Variants in LRRC8D observed in about 807,000 individuals in gnomAD.
LRRC8D encodes volume-regulated anion channel subunit LRRC8D.
Under a neutral mutation model 55.8 loss-of-function variants are expected in LRRC8D, and 20 were observed. That is an observed-to-expected ratio of 0.36 (90% CI 0.25 to 0.52). LRRC8D has a LOEUF of 0.52. LRRC8D is among the 20% of genes least tolerant of loss of function. The pLI is 0.93. For synonymous variants in LRRC8D, 352 were observed against 377.0 expected (o/e 0.93, Z 0.77); for missense variants, 651 against 1,030.8 (o/e 0.63, Z 5.05).
At chr1:89,871,452 T>G (rs1302063381) in intron 2 of LRRC8D, among the ~76,000 whole-genome samples, 1 of 152,186 alleles carries the variant, frequency 6.6e-6, no homozygotes. Flanking sequence ...GATACCCCCT[T>G]CCCTCTCCTA....
At chr1:89,928,222 C>T (rs1280199574) in intron 2 of LRRC8D, among the ~76,000 whole-genome samples, 1 of 152,152 alleles carries the variant, frequency 6.6e-6, no homozygotes, top group Non-Finnish European at 1.5e-5. Flanking sequence ...AGGCGCCTGG[C>T]ACCAAGCCCC....
At chr1:89,915,855 A>G (rs1048871663) in intron 2 of LRRC8D, among the ~76,000 whole-genome samples, 2 of 152,250 alleles carry the variant, frequency 1.3e-5, no homozygotes, top group South Asian at 4.1e-4. Context: ...GCTTTATCAG[A>G]AAGTAAATAT....
chr1:89,930,677 G>A (rs549813656), intron 2 of LRRC8D, among the ~76,000 whole-genome samples: 3 of 151,864 alleles, frequency 2.0e-5, no homozygotes, highest in Non-Finnish European at 4.4e-5. Flanking sequence ...TGACTGTTAC[G>A]TTCCTTGCCA....
At chr1:89,887,246 ATTGTT>A (rs1205816058) in intron 2 of LRRC8D, among the ~76,000 whole-genome samples, 4 of 152,058 alleles carry the variant, frequency 2.6e-5, no homozygotes, top group Non-Finnish European at 4.4e-5. Context: ...GCCCTTTTTT[ATTGTT>A]TTTATTTTCG....
chr1:89,935,305 T>A lies in LRRC8D; in HGVS notation c.2237T>A (p.Ile746Lys), dbSNP rs745835597. The part of the protein sequence containing the change: ...VSYNNISMIP[I>K]EIGLLQNLQH... ...TACAACAACATTTCAATGATTCCAATAGAAATAGGATTGCTTCAGAACCTG... is the reference window on the plus strand; with the variant it reads ...TACAACAACATTTCAATGATTCCAAAAGAAATAGGATTGCTTCAGAACCTG... The change falls in exon 3 of 3, where the codon ATA (isoleucine) becomes AAA (lysine). Residue 746 changes from isoleucine (I) to lysine (K), a missense_variant. Ile to Lys is a moderately radical substitution (Grantham distance 102). This residue lies in a region of LRRC8D where 338 missense variants were observed against 479.4 expected (regional missense o/e 0.71). Transcript: ENST00000337338. 8 of 1,614,088 alleles carry A rather than the reference T, an allele frequency of 5.0e-6. No individual in the cohort carries two copies. In the Admixed American group the frequency reaches 8.3e-5, roughly 17 times the overall value.
intron 2 of LRRC8D, among the ~76,000 whole-genome samples, chr1:89,857,632 A>G (rs1661592983): frequency 6.6e-6 from 1 of 152,184 alleles, no homozygotes; most frequent in African/African-American, 2.4e-5. Flanking sequence ...ACATTATCCC[A>G]TAATTACTTG....
At chr1:89,924,784 G>A (rs1277123532) in intron 2 of LRRC8D, among the ~76,000 whole-genome samples, 1 of 152,050 alleles carries the variant, frequency 6.6e-6, no homozygotes, top group Non-Finnish European at 1.5e-5. Flanking sequence ...TGCAGCTGCA[G>A]GCCATTATCC....
intron 2 of LRRC8D, among the ~76,000 whole-genome samples, chr1:89,874,195 A>G (rs1465046753): frequency 5.3e-5 from 8 of 152,208 alleles, no homozygotes; most frequent in Admixed American, 2.6e-4. Context: ...CATAAAGGGA[A>G]AAACTAGGAG....
intron 2 of LRRC8D, among the ~76,000 whole-genome samples, chr1:89,866,066 G>A (rs186284466): frequency 6.6e-6 from 1 of 152,322 alleles, no homozygotes; most frequent in Admixed American, 6.5e-5. Flanking sequence ...ATACCTGCAT[G>A]TGTAGCACAT....
intron 2 of LRRC8D, among the ~76,000 whole-genome samples, chr1:89,869,270 C>T (rs1570840038): frequency 6.6e-6 from 1 of 152,060 alleles, no homozygotes; most frequent in Non-Finnish European, 1.5e-5. Flanking sequence ...ACTAGAATAA[C>T]CAGTTTAGAG....
At chr1:89,850,712 G>T (rs1225836449) in intron 2 of LRRC8D, among the ~76,000 whole-genome samples, 2 of 152,120 alleles carry the variant, frequency 1.3e-5, no homozygotes, top group Non-Finnish European at 2.9e-5. Flanking sequence ...CATTTAGGTT[G>T]ACTCCATTTC....
At chr1:89,903,911 T>G (rs1275889831) in intron 2 of LRRC8D, among the ~76,000 whole-genome samples, 1 of 152,252 alleles carries the variant, frequency 6.6e-6, no homozygotes, top group Non-Finnish European at 1.5e-5. Flanking sequence ...ACCTCTGGTA[T>G]CTGATATTCA....
chr1:89,885,783 T>C (rs1441875300), intron 2 of LRRC8D, among the ~76,000 whole-genome samples: 3 of 152,196 alleles, frequency 2.0e-5, no homozygotes, highest in African/African-American at 7.2e-5. Context: ...TGCCCTGCTG[T>C]CTTTCTCTTA....
intron 2 of LRRC8D, among the ~76,000 whole-genome samples, chr1:89,873,721 CCTGT>C (rs1377252779): frequency 1.3e-5 from 2 of 152,166 alleles, no homozygotes; most frequent in African/African-American, 2.4e-5. Flanking sequence ...ATTTTATAAT[CCTGT>C]CTGTTAAGTT....
intron 2 of LRRC8D, among the ~76,000 whole-genome samples, chr1:89,856,701 G>A (rs1661561799): frequency 6.6e-6 from 1 of 152,102 alleles, no homozygotes; most frequent in African/African-American, 2.4e-5. Flanking sequence ...TGGGTCTCTT[G>A]TAGACGGTAT....
Position 89,936,184 on chromosome 1 carries a change from T to C in LRRC8D, c.*539T>C, listed in dbSNP as rs1273627985. On this transcript the variant is annotated 3_prime_UTR_variant, in exon 3 of 3. Coordinates refer to ENST00000337338, the MANE Select transcript of LRRC8D (RefSeq NM_001134479.2). ...AGCACCTCTCACAACAGTTGACTGG[T>C]ACTGCTGCTCCTGAGCACCTCGTGT... The C allele has an allele frequency of 2.4e-5, 4 of 167,920 alleles. No individual in the cohort carries two copies. Among genetic ancestry groups the C allele is most frequent in the African/African-American group, 7.2e-5 (3 of 41,464 alleles). 10.4% of individuals were successfully genotyped at this position (167,920 alleles called of 1,614,324 possible).
At chr1:89,850,616 G>T (rs1347052313) in intron 2 of LRRC8D, among the ~76,000 whole-genome samples, 1 of 152,162 alleles carries the variant, frequency 6.6e-6, no homozygotes, top group Non-Finnish European at 1.5e-5. Context: ...TCTTTTCTAT[G>T]AATTTTTATG....
At chr1:89,904,558 C>G (rs1054308059) in intron 2 of LRRC8D, among the ~76,000 whole-genome samples, 4 of 152,196 alleles carry the variant, frequency 2.6e-5, no homozygotes, top group African/African-American at 4.8e-5. Context: ...TCTGTCTGCT[C>G]CAGGTTATTT....
At chr1:89,915,343 T>C (rs1663239886) in intron 2 of LRRC8D, among the ~76,000 whole-genome samples, 1 of 152,224 alleles carries the variant, frequency 6.6e-6, no homozygotes, top group South Asian at 2.1e-4. Flanking sequence ...ACAATTACAG[T>C]TGTAACATGT....
Sources: gnomAD v4.1 joint callset for allele counts (sites outside exome capture counted in the v4.1 genomes callset) on GRCh38, gnomAD v4.1.1 for gene constraint, gnomAD v4.1.1 regional missense constraint, MANE v1.5 for transcripts, NCBI Gene and HGNC (gene_info 2026-07-23, HGNC 2026-07-21) for gene names.